The following ZNF148 variants were observed in gnomAD, a reference collection of about 807,000 sequenced individuals.
The protein encoded by ZNF148 is Beta-Enolase Repressor Factor-1.
Under a neutral mutation model 67.7 loss-of-function variants are expected in ZNF148, and 7 were observed. The ratio of observed to expected loss-of-function variants is 0.10; its 90% CI spans 0.06 to 0.19. The LOEUF (loss-of-function observed/expected upper bound fraction) is 0.19, where lower values mean the gene tolerates loss of function less well. Among genes scored for constraint, ZNF148 ranks in the 10% least tolerant of loss-of-function variants. The pLI, the probability that ZNF148 is intolerant of heterozygous loss-of-function variation, is 1.00. For synonymous variants in ZNF148, 333 were observed against 330.7 expected, an observed-to-expected ratio of 1.01 and a Z score of -0.08; for missense variants, 583 against 947.1, an observed-to-expected ratio of 0.62 and a Z score of 5.05.
At chr3:125,370,631 C>G (rs890829781) in intron 1 of ZNF148, among the ~76,000 whole-genome samples, 3 of 152,168 alleles carry the variant, frequency 2.0e-5, no homozygotes, top group African/African-American at 7.2e-5. Flanking sequence ...ATTACTTAGA[C>G]TCCCAAAAAG....
intron 7 of ZNF148, among the ~76,000 whole-genome samples, chr3:125,245,013 T>C (rs1404784811): frequency 6.6e-6 from 1 of 152,180 alleles, no homozygotes; most frequent in African/African-American, 2.4e-5. Flanking sequence ...CATTCTATAT[T>C]TTTCTCTTTG....
At chr3:125,244,089 G>GA (rs944035759) in intron 7 of ZNF148, among the ~76,000 whole-genome samples, 5 of 151,928 alleles carry the variant, frequency 3.3e-5, no homozygotes, top group Non-Finnish European at 7.4e-5. Flanking sequence ...ACACGGTAAG[G>GA]AAAAAAACAA....
At chr3:125,301,501 A>G (rs1939585200) in intron 4 of ZNF148, among the ~76,000 whole-genome samples, 1 of 152,244 alleles carries the variant, frequency 6.6e-6, no homozygotes, top group African/African-American at 2.4e-5. Flanking sequence ...GCGAGTTTAC[A>G]TAGGCTACAG....
intron 7 of ZNF148, among the ~76,000 whole-genome samples, chr3:125,241,619 G>A (rs549193112): frequency 6.6e-6 from 1 of 152,244 alleles, no homozygotes; most frequent in East Asian, 1.9e-4. Context: ...GACAGCGGAT[G>A]TTATTTATTT....
chr3:125,370,266 A>C (rs1942836054), intron 1 of ZNF148, among the ~76,000 whole-genome samples: 1 of 152,180 alleles, frequency 6.6e-6, no homozygotes, highest in South Asian at 2.1e-4. Context: ...CTTCCCTTAA[A>C]TCTAAAGGTC....
intron 3 of ZNF148, among the ~76,000 whole-genome samples, chr3:125,315,846 T>G (rs1235816977): frequency 6.6e-6 from 1 of 152,198 alleles, no homozygotes; most frequent in Non-Finnish European, 1.5e-5. Context: ...CCTCAATAAT[T>G]TACCCTTTGA....
chr3:125,360,577 T>A (rs1261973711), intron 1 of ZNF148, among the ~76,000 whole-genome samples: 1 of 152,110 alleles, frequency 6.6e-6, no homozygotes, highest in African/African-American at 2.4e-5. Flanking sequence ...TGAGCCATCA[T>A]ACTCAGCTTA....
At chr3:125,355,500 AG>A (rs1247904294) in intron 1 of ZNF148, among the ~76,000 whole-genome samples, 3 of 152,226 alleles carry the variant, frequency 2.0e-5, no homozygotes, top group Non-Finnish European at 4.4e-5. Context: ...TAAAATGTCC[AG>A]GGTTTCCAGA....
At chr3:125,277,250 A>C (rs1450403326) in intron 7 of ZNF148, among the ~76,000 whole-genome samples, 1 of 152,172 alleles carries the variant, frequency 6.6e-6, no homozygotes, top group Non-Finnish European at 1.5e-5. Flanking sequence ...AATCCTCTAG[A>C]ATATTTAATT....
chr3:125,313,329 T>C lies in ZNF148; in HGVS notation c.312A>G (p.Leu104=), dbSNP rs762292938. Residue 104 remains leucine (L), a synonymous_variant, in exon 4 of 9, where the codon CTA becomes CTG. Transcript: ENST00000360647. ...TTACAGGGACATTAAGTGCATACTG[T>C]AGTCCTTGAGGAAGTCTTTCATGTG... The part of the protein sequence containing the change: ...METHERLPQG[L]QYALNVPISV... The C allele has an allele frequency of 3.7e-6, 6 of 1,613,358 alleles. No individual in the cohort carries two copies. Among genetic ancestry groups the C allele is most frequent in the Non-Finnish European group, 5.1e-6 (6 of 1,179,450 alleles).
intron 2 of ZNF148, among the ~76,000 whole-genome samples, chr3:125,328,906 C>A (rs988922569): frequency 4.6e-5 from 7 of 151,774 alleles, no homozygotes; most frequent in African/African-American, 1.7e-4. Context: ...GATATTTGGC[C>A]TTCTTTTTAG....
At chr3:125,275,010 T>C (rs1367021256) in intron 7 of ZNF148, among the ~76,000 whole-genome samples, 1 of 152,190 alleles carries the variant, frequency 6.6e-6, no homozygotes, top group Non-Finnish European at 1.5e-5. Flanking sequence ...GGAAGAACAG[T>C]AAGAACAGAA....
intron 4 of ZNF148, among the ~76,000 whole-genome samples, chr3:125,306,814 T>C (rs1939903223): frequency 2.0e-5 from 3 of 152,062 alleles, no homozygotes; most frequent in Admixed American, 2.0e-4. Context: ...GAGCTGTGAC[T>C]GTGACCCTGC....
rs1935704672 is a variant in ZNF148 at position 125,227,959 on chromosome 3, T to C, written c.*4382A>G. The C allele has an allele frequency of 6.6e-6, 1 of 152,586 alleles. No individual in the cohort carries two copies. The highest frequency in any genetic ancestry group is 6.6e-5 in the Admixed American group (1 of 15,258). The allele number at this position is 152,586 out of a possible 1,614,324, so 9.5% of individuals were successfully genotyped here. On this transcript the variant is annotated 3_prime_UTR_variant, in exon 9 of 9. Transcript: ENST00000360647. The stretch of plus-strand genomic sequence containing the variant: ...TATAATATCTACTCACTTGAAACTA[T>C]AATAGGTTTGTCTTTCTTTGTATTG...
chr3:125,270,522 T>C (rs1186671599), intron 7 of ZNF148, among the ~76,000 whole-genome samples: 1 of 152,198 alleles, frequency 6.6e-6, no homozygotes, highest in Non-Finnish European at 1.5e-5. Context: ...CCCAACTGAA[T>C]GAATGTTTCA....
At chr3:125,362,094 G>A (rs922837768) in intron 1 of ZNF148, among the ~76,000 whole-genome samples, 2 of 152,052 alleles carry the variant, frequency 1.3e-5, no homozygotes, top group Admixed American at 6.6e-5. Context: ...CCATGCCCAC[G>A]CACTGGGTGT....
chr3:125,294,622 C>G (rs1412475269), intron 4 of ZNF148, among the ~76,000 whole-genome samples: 1 of 152,142 alleles, frequency 6.6e-6, no homozygotes, highest in Admixed American at 6.5e-5. Context: ...ACATTCACTA[C>G]CATGCACTGT....
At chr3:125,264,293 G>A (rs1937475234) in intron 7 of ZNF148, among the ~76,000 whole-genome samples, 1 of 152,236 alleles carries the variant, frequency 6.6e-6, no homozygotes, top group African/African-American at 2.4e-5. Context: ...ATTGGCATCC[G>A]AAGAGGGGGC....
rs569147658 is a variant in ZNF148, at chr3:125,322,278, A to G, written c.-17+1031T>C. ...CCTGACTTCGTGATCCACCAGCCTC[A>G]GCCTGCCAGCCTGCTGGGATTACAG... On this transcript the variant is annotated intron_variant, in intron 3 of 8. Coordinates refer to ENST00000360647, the MANE Select transcript of ZNF148 (RefSeq NM_021964.3). 1.2e-4 allele frequency among the ~76,000 whole-genome samples: 18 copies of G among 151,938 alleles called. No individual in the cohort carries two copies. The East Asian group carries it at 3.5e-3, about 29-fold the overall frequency.
Sources: gnomAD v4.1 joint callset for allele counts (sites outside exome capture counted in the v4.1 genomes callset) on GRCh38, gnomAD v4.1.1 for gene constraint, MANE v1.5 for transcripts, NCBI Gene and HGNC (gene_info 2026-07-23, HGNC 2026-07-21) for gene names.